Variants in QTRT2 observed in about 807,000 individuals in gnomAD.
QTRT2 encodes the protein queuine tRNA-ribosyltransferase domain containing 1.
Under a neutral mutation model 44.8 loss-of-function variants are expected in QTRT2, and 32 were observed. The ratio of observed to expected loss-of-function variants is 0.71; its 90% CI spans 0.54 to 0.96. The LOEUF (loss-of-function observed/expected upper bound fraction) is 0.96, where lower values mean the gene tolerates loss of function less well. Ranked by LOEUF, QTRT2 falls within the 40% of genes least tolerant of loss-of-function variation. The pLI, the probability that QTRT2 is intolerant of heterozygous loss-of-function variation, is 0.00. For synonymous variants in QTRT2, 182 were observed against 187.4 expected (o/e 0.97, Z 0.24); for missense variants, 461 against 503.1 (o/e 0.92, Z 0.80).
Position 114,088,027 on chromosome 3 carries a change from T to C in QTRT2, c.*2123T>C, listed in dbSNP as rs578072194. Reference sequence around the variant, plus strand: ...ATAAATTCATGGGCATCCTCATAACTCTTCCATGAATGGCAAGGGGTACTT... The same window carrying C: ...ATAAATTCATGGGCATCCTCATAACCCTTCCATGAATGGCAAGGGGTACTT... On this transcript the variant is annotated 3_prime_UTR_variant, in exon 10 of 10. Transcript: ENST00000281273. The C allele has an allele frequency of 1.3e-5, 2 of 152,350 alleles. No individual in the cohort carries two copies. Among genetic ancestry groups the C allele is most frequent in the East Asian group, 3.9e-4 (2 of 5,176 alleles). The allele number at this position is 152,350 out of a possible 1,614,324, so 9.4% of individuals were successfully genotyped here.
At chr3:114,073,259 G>A (rs918316993) in intron 6 of QTRT2, among the ~76,000 whole-genome samples, 7 of 152,144 alleles carry the variant, frequency 4.6e-5, no homozygotes, top group Non-Finnish European at 8.8e-5. Context: ...GCAGGACAGC[G>A]AGTGTGACAA....
intron 2 of QTRT2, among the ~76,000 whole-genome samples, chr3:114,061,164 A>G (rs1577508296): frequency 6.6e-6 from 1 of 152,066 alleles, no homozygotes; most frequent in Admixed American, 6.5e-5. Context: ...AGTTGCCTTT[A>G]TGTACCTTCT....
intron 3 of QTRT2, 152 bp from the exon 4 acceptor site, chr3:114,066,076 T>A: frequency 1.8e-6 from 1 of 545,290 alleles, no homozygotes; most frequent in Admixed American, 3.2e-5. Context: ...GAACCTAGCC[T>A]AATTAGTTAG....
At chr3:114,068,351 G>C (rs2076981580) in intron 5 of QTRT2, 2 of 314,864 alleles carry the variant, frequency 6.4e-6, no homozygotes, top group Admixed American at 8.1e-5. Context: ...TATGATAGGG[G>C]AAAACGATAG....
chr3:114,066,379 A>G (rs1182349083), intron 4 of QTRT2, 96 bp downstream of exon 4: 1 of 717,990 alleles, frequency 1.4e-6, no homozygotes, highest in Non-Finnish European at 2.4e-6. Context: ...ATGTTTGTTT[A>G]TTCATAAATT....
At chr3:114,084,506 C>T (rs1265697236) in intron 9 of QTRT2, among the ~76,000 whole-genome samples, 3 of 151,974 alleles carry the variant, frequency 2.0e-5, no homozygotes, top group Non-Finnish European at 4.4e-5. Context: ...TGCTTGAGCC[C>T]AGGAGTCCGA....
Position 114,065,436 on chromosome 3 carries a change from C to T in QTRT2, c.179C>T (p.Ala60Val). Residue 60 changes from alanine (A) to valine (V), a missense_variant, in exon 3 of 10, where the codon GCT becomes GTT. By Grantham distance (64) the Ala-to-Val change is moderately conservative (BLOSUM62 0). Transcript: ENST00000281273. ...LHNIHGVPAMAQLTLSSLAEH... is the reference protein window; with the variant it reads ...LHNIHGVPAMVQLTLSSLAEH... ...AATATCCACGGGGTTCCTGCCATGG[C>T]TCAGCTTACGCTGTCATCCCTGTAA... The T allele has an allele frequency of 6.2e-7, 1 of 1,613,708 alleles. No individual in the cohort carries two copies. Among genetic ancestry groups the T allele is most frequent in the Non-Finnish European group, 8.5e-7 (1 of 1,179,752 alleles).
chr3:114,076,816 G>T lies in QTRT2; in HGVS notation c.620G>T (p.Arg207Leu). Residue 207 changes from arginine to leucine, a missense_variant, in exon 7 of 10, where the codon CGA becomes CTA. Transcript: ENST00000281273. ...ATGGAAGAGAGGCTGAGGTCAGCAC[G>T]AGAGACAGCCAAGCGGCCTGTGGGT... ...DVMEERLRSARETAKRPVGGF... is the reference protein window; with the variant it reads ...DVMEERLRSALETAKRPVGGF... 1 of 1,614,232 alleles carries T rather than the reference G, an allele frequency of 6.2e-7. No homozygotes were observed. The highest frequency in any genetic ancestry group is 8.5e-7 in the Non-Finnish European group (1 of 1,180,030).
intron 4 of QTRT2, 66 bp downstream of exon 4, chr3:114,066,349 C>T: frequency 1.1e-6 from 1 of 891,510 alleles, no homozygotes; most frequent in Non-Finnish European, 1.9e-6. Flanking sequence ...GTGCTGTTAC[C>T]TCTTTGATCT....
chr3:114,057,594 G>T (rs537177926), intron 2 of QTRT2: 37 of 152,306 alleles, frequency 2.4e-4, no homozygotes, highest in Admixed American at 2.0e-3. Context: ...TCTGAAAGGC[G>T]GTTGAATAAA....
intron 7 of QTRT2, chr3:114,078,160 C>CT (rs1382736373): frequency 6.6e-6 from 1 of 152,200 alleles, no homozygotes; most frequent in Non-Finnish European, 1.5e-5. Flanking sequence ...TAACCTAGTT[C>CT]TTTTGTGTTC....
chr3:114,070,610 T>C lies in QTRT2; in HGVS notation c.334-16T>C, dbSNP rs1416166752. 1 of 1,608,072 alleles carries C rather than the reference T, an allele frequency of 6.2e-7. No homozygotes were observed. The highest frequency in any genetic ancestry group is 1.3e-5 in the African/African-American group (1 of 74,826). ...TTTTACTCTTGCTAATTCCTCATCA[T>C]TTTGCTCCATGGCAGTCTGTGTCTG... On this transcript the variant is annotated splice_polypyrimidine_tract_variant and intron_variant, in intron 5 of 9. Transcript: ENST00000281273.
Position 114,081,963 on chromosome 3 carries a change from T to G in QTRT2, c.899-714T>G, listed in dbSNP as rs375911840. ...TCCCTGTTCCAGGCAGTTGGCTTTT[T>G]GTAGAGTAGCTGGTGTTTCTTTTGC... On this transcript the variant is annotated intron_variant, in intron 8 of 9. Transcript: ENST00000281273. 1.8e-3 allele frequency among the ~76,000 whole-genome samples: 269 copies of G among 152,280 alleles called. 1 individual carries two copies. Among genetic ancestry groups the G allele is most frequent in the African/African-American group, 6.0e-3 (248 of 41,560 alleles).
At chr3:114,080,549 A>G (rs767205187) in intron 8 of QTRT2, among the ~76,000 whole-genome samples, 2 of 152,116 alleles carry the variant, frequency 1.3e-5, no homozygotes, top group African/African-American at 2.4e-5. Flanking sequence ...GTTGCTTTGA[A>G]GGACTGCCAT....
At chr3:114,076,597 G>A (rs762936033) in intron 6 of QTRT2, 146 bp from the exon 7 acceptor site, 8 of 669,424 alleles carry the variant, frequency 1.2e-5, no homozygotes, top group Non-Finnish European at 2.1e-5. Flanking sequence ...GGTTCTTAGG[G>A]AGGAGGGAGC....
intron 7 of QTRT2, chr3:114,077,949 G>T (rs2077114389): frequency 6.6e-6 from 1 of 152,034 alleles, no homozygotes; most frequent in African/African-American, 2.4e-5. Context: ...CCAACCTCAG[G>T]TGATCCGCCT....
At chr3:114,059,670 C>T (rs1039553980) in intron 2 of QTRT2, among the ~76,000 whole-genome samples, 1 of 152,178 alleles carries the variant, frequency 6.6e-6, no homozygotes, top group Non-Finnish European at 1.5e-5. Flanking sequence ...ATGTTTTCCT[C>T]AGATTTTAAA....
chr3:114,066,099 A>T, intron 3 of QTRT2, 129 bp from the exon 4 acceptor site: 1 of 619,026 alleles, frequency 1.6e-6, no homozygotes, highest in Non-Finnish European at 2.8e-6. Context: ...CTCTTGAATA[A>T]TGGTGTAATT....
chr3:114,079,878 G>T, intron 7 of QTRT2, 28 bp from the exon 8 acceptor site: 1 of 1,608,476 alleles, frequency 6.2e-7, no homozygotes, highest in Non-Finnish European at 8.5e-7. Flanking sequence ...TTGTCCTCAT[G>T]TCACTGTTCT....
Sources: allele counts gnomAD v4.1 joint callset (sites outside exome capture counted in the v4.1 genomes callset), GRCh38; gene constraint gnomAD v4.1.1; transcripts MANE v1.5; gene names NCBI Gene and HGNC (gene_info 2026-07-23, HGNC 2026-07-21).